Variants in NT5E observed in about 807,000 individuals in gnomAD.
NT5E encodes the protein 5'-nucleotidase ecto, also known as 5'-nucleotidase.
NT5E carries 53 observed loss-of-function variants against 55.1 expected under a neutral mutation model. The observed-to-expected ratio is 0.96, with a 90% CI of 0.77 to 1.21. The LOEUF (loss-of-function observed/expected upper bound fraction) is 1.21. NT5E is among the 50% of genes most tolerant of loss of function. The probability of loss-of-function intolerance (pLI) is 0.00; values close to 1 mark genes in which losing one functional copy is unlikely to be tolerated. For missense variants in NT5E, 683 were observed against 724.3 expected (o/e 0.94, Z 0.65); for synonymous variants, 270 against 278.4 (o/e 0.97, Z 0.30).
At chr6:85,462,807 G>A (rs537688227) in intron 1 of NT5E, among the ~76,000 whole-genome samples, 6 of 152,322 alleles carry the variant, frequency 3.9e-5, no homozygotes, top group East Asian at 1.9e-4. Flanking sequence ...CAATGTCTTC[G>A]TTGTAAAGTG....
intron 4 of NT5E, among the ~76,000 whole-genome samples, chr6:85,486,889 A>C (rs1202183064): frequency 6.6e-6 from 1 of 152,182 alleles, no homozygotes; most frequent in Non-Finnish European, 1.5e-5. Flanking sequence ...TGATCATGTC[A>C]GGAAGATGAG....
Position 85,495,239 on chromosome 6 carries a change from A to T in NT5E, c.*1235A>T, listed in dbSNP as rs191717024. On this transcript the variant is annotated 3_prime_UTR_variant, in exon 9 of 9. Coordinates refer to ENST00000257770, the MANE Select transcript of NT5E (RefSeq NM_002526.4). The stretch of plus-strand genomic sequence containing the variant: ...GCCCAGATATGAGAACTTCTGCTGG[A>T]AAGTGGGACCCTCTGAGTGGGTGGT... 6.6e-6 allele frequency: 1 copy of T among 152,370 alleles called. No individual in the cohort carries two copies. The highest frequency in any genetic ancestry group is 6.5e-5 in the Admixed American group (1 of 15,296). The allele number at this position is 152,370 out of a possible 1,614,324, so 9.4% of individuals were successfully genotyped here.
At chr6:85,487,560 C>G in intron 5 of NT5E, 71 bp downstream of exon 5, 3 of 1,565,356 alleles carry the variant, frequency 1.9e-6, no homozygotes, top group Non-Finnish European at 8.8e-7. Context: ...AGGAAGGATG[C>G]GAGAAGGGAT....
intron 1 of NT5E, among the ~76,000 whole-genome samples, chr6:85,462,806 C>T (rs552580239): frequency 5.4e-4 from 82 of 152,212 alleles, no homozygotes; most frequent in Non-Finnish European, 9.1e-4. Context: ...GCAATGTCTT[C>T]GTTGTAAAGT....
chr6:85,486,840 T>A (rs1408287819), intron 4 of NT5E, among the ~76,000 whole-genome samples: 2 of 152,236 alleles, frequency 1.3e-5, no homozygotes, highest in African/African-American at 4.8e-5. Flanking sequence ...CAGAACACAC[T>A]CCTGTGCTTG....
At chr6:85,473,682 A>ATG (rs1318362005) in intron 3 of NT5E, among the ~76,000 whole-genome samples, 2 of 152,206 alleles carry the variant, frequency 1.3e-5, no homozygotes, top group Admixed American at 6.5e-5. Context: ...CACAAAGCAC[A>ATG]TGGAATGCAC....
chr6:85,484,137 C>T (rs560732191), intron 3 of NT5E, among the ~76,000 whole-genome samples: 63 of 152,316 alleles, frequency 4.1e-4, no homozygotes, highest in Non-Finnish European at 8.1e-4. Context: ...GTGTAATCAA[C>T]ATGTGCTGAA....
At chr6:85,489,648 C>T in intron 6 of NT5E, 49 bp downstream of exon 6, 1 of 1,350,002 alleles carries the variant, frequency 7.4e-7, no homozygotes. Context: ...TCTCTCTGAT[C>T]TCCTTTTCTG....
At chr6:85,486,190 G>A (rs1769655429) in intron 4 of NT5E, among the ~76,000 whole-genome samples, 1 of 152,186 alleles carries the variant, frequency 6.6e-6, no homozygotes, top group Non-Finnish European at 1.5e-5. Context: ...CAGTACATTT[G>A]TATGTAGAAG....
At chr6:85,488,648 T>G (rs1582387278) in intron 5 of NT5E, among the ~76,000 whole-genome samples, 1 of 152,172 alleles carries the variant, frequency 6.6e-6, no homozygotes, top group African/African-American at 2.4e-5. Context: ...TGGCATGATC[T>G]CAGCTCACTG....
At chr6:85,489,122 C>T (rs1351089667) in intron 5 of NT5E, among the ~76,000 whole-genome samples, 1 of 152,022 alleles carries the variant, frequency 6.6e-6, no homozygotes, top group East Asian at 1.9e-4. Flanking sequence ...AGGGCCAAGC[C>T]CTCAGAATCA....
rs377417331 is a variant in NT5E at position 85,490,619 on chromosome 6, G to A, written c.1322G>A (p.Arg441His). 1.9e-5 allele frequency: 31 copies of A among 1,614,052 alleles called. No individual in the cohort carries two copies. Among genetic ancestry groups the A allele is most frequent in the East Asian group, 4.5e-5 (2 of 44,888 alleles). The change falls in exon 7 of 9, where the codon CGC becomes CAC. Residue 441 changes from arginine (R) to histidine (H), a missense_variant. Coordinates refer to ENST00000257770, the MANE Select transcript of NT5E (RefSeq NM_002526.4). ...LKKAFEHSVHRYGQSTGEFLQ... is the reference protein window; with the variant it reads ...LKKAFEHSVHHYGQSTGEFLQ... ...AAGGCCTTTGAGCATAGCGTGCACC[G>A]CTACGGCCAGTCCACTGGAGAGTTC...
At chr6:85,469,661 G>A (rs1235841060) in intron 2 of NT5E, among the ~76,000 whole-genome samples, 1 of 152,200 alleles carries the variant, frequency 6.6e-6, no homozygotes, top group African/African-American at 2.4e-5. Flanking sequence ...CAACCAACAG[G>A]AAGCAGATTG....
intron 1 of NT5E, among the ~76,000 whole-genome samples, chr6:85,466,798 A>C (rs1769203523): frequency 6.6e-6 from 1 of 152,140 alleles, no homozygotes; most frequent in South Asian, 2.1e-4. Context: ...CCCCAATCTG[A>C]GATGGTGGGA....
intron 2 of NT5E, among the ~76,000 whole-genome samples, chr6:85,470,105 T>C (rs1769273715): frequency 6.6e-6 from 1 of 152,224 alleles, no homozygotes; most frequent in Non-Finnish European, 1.5e-5. Context: ...CTGGATCTAC[T>C]GGAGGACTCC....
intron 3 of NT5E, among the ~76,000 whole-genome samples, chr6:85,473,588 C>CA (rs1016786014): frequency 4.6e-5 from 7 of 152,150 alleles, no homozygotes; most frequent in African/African-American, 1.4e-4. Flanking sequence ...CCAAAACACA[C>CA]AAACATATAT....
chr6:85,475,627 G>A (rs1329755833), intron 3 of NT5E, among the ~76,000 whole-genome samples: 2 of 152,172 alleles, frequency 1.3e-5, no homozygotes, highest in African/African-American at 4.8e-5. Flanking sequence ...AGTAAAATCA[G>A]TGCAGGTTGA....
chr6:85,455,510 G>C (rs956420530), intron 1 of NT5E, among the ~76,000 whole-genome samples: 1 of 152,214 alleles, frequency 6.6e-6, no homozygotes, highest in Admixed American at 6.5e-5. Flanking sequence ...TGAAAGCTCC[G>C]CATTGCCCCC....
chr6:85,456,760 G>A (rs536171408), intron 1 of NT5E, among the ~76,000 whole-genome samples: 1 of 152,328 alleles, frequency 6.6e-6, no homozygotes, highest in East Asian at 1.9e-4. Context: ...GGAACCAGCT[G>A]CAAAAGGCAT....
Sources: gnomAD v4.1 joint callset for allele counts (sites outside exome capture counted in the v4.1 genomes callset) on GRCh38, gnomAD v4.1.1 for gene constraint, MANE v1.5 for transcripts, NCBI Gene and HGNC (gene_info 2026-07-23, HGNC 2026-07-21) for gene names.